GLYATL2: variants seen among roughly 807,000 people sequenced by gnomAD.
GLYATL2 encodes glycine N-acyltransferase-like protein 2.
A neutral mutation model predicts 21.4 loss-of-function variants in GLYATL2; 25 were observed. The ratio of observed to expected loss-of-function variants is 1.17; its 90% CI spans 0.85 to 1.63. The LOEUF is 1.63. Among genes scored for constraint, GLYATL2 ranks in the 40% most tolerant of loss-of-function variants. GLYATL2 has a pLI of 0.00. For synonymous variants in GLYATL2, 114 were observed against 118.2 expected, an observed-to-expected ratio of 0.96 and a Z score of 0.23; for missense variants, 361 against 343.3, an observed-to-expected ratio of 1.05 and a Z score of -0.41.
chr11:58,888,525 C>T (rs965182047), intron 1 of GLYATL2, among the ~76,000 whole-genome samples: 3 of 151,712 alleles, frequency 2.0e-5, no homozygotes, highest in African/African-American at 7.3e-5. Context: ...ACTTTTCTTC[C>T]TTATGGCTGG....
intron 1 of GLYATL2, among the ~76,000 whole-genome samples, chr11:58,842,476 CTGTGTG>C (rs34133004): frequency 0.12 from 16,202 of 134,700 alleles, 962 homozygotes; most frequent in South Asian, 0.16. Flanking sequence ...GAGTGAGACT[CTGTGTG>C]TGTGTGTGTG....
chr11:58,879,851 CTTGTT>C (rs1213811112), intron 1 of GLYATL2, among the ~76,000 whole-genome samples: 1 of 98,818 alleles, frequency 1.0e-5, no homozygotes, highest in Non-Finnish European at 1.9e-5. Context: ...TCTTTTTTTC[CTTGTT>C]TTTTTTTTTT....
chr11:58,837,162 A>G lies in GLYATL2; in HGVS notation c.329T>C (p.Leu110Ser). ...TGCAACCTTTCTTATTGCTTCATCC[A>G]AGCCCTCTTGGCAACCTGGAGAAAG... ...TLQIQGCQEGLDEAIRKVATS... is the reference protein window; with the variant it reads ...TLQIQGCQEGSDEAIRKVATS... Residue 110 changes from leucine to serine, a missense_variant, in exon 5 of 6, where the codon TTG becomes TCG. Leu to Ser is a moderately radical substitution (Grantham distance 145). Coordinates refer to ENST00000287275, the MANE Select transcript of GLYATL2 (RefSeq NM_145016.4). 6.2e-7 allele frequency: 1 copy of G among 1,613,814 alleles called. No homozygotes were observed. The highest frequency in any genetic ancestry group is 8.5e-7 in the Non-Finnish European group (1 of 1,179,864).
intron 1 of GLYATL2, among the ~76,000 whole-genome samples, chr11:58,873,974 G>A (rs1043579094): frequency 6.6e-6 from 1 of 152,158 alleles, no homozygotes; most frequent in African/African-American, 2.4e-5. Flanking sequence ...GGGTGTTATT[G>A]GTCTATTGAG....
intron 1 of GLYATL2, among the ~76,000 whole-genome samples, chr11:58,855,287 A>T (rs903174426): frequency 3.9e-5 from 6 of 152,182 alleles, no homozygotes; most frequent in Admixed American, 3.9e-4. Flanking sequence ...TGCAGAATGG[A>T]TGTATGTTAG....
intron 3 of GLYATL2, among the ~76,000 whole-genome samples, 163 bp from the exon 4 acceptor site, chr11:58,837,560 A>C (rs1405190433): frequency 2.0e-5 from 3 of 152,214 alleles, no homozygotes; most frequent in Admixed American, 1.3e-4. Context: ...CTCACTCTTG[A>C]TACACTGAAG....
At chr11:58,886,294 C>A (rs940478368) in intron 1 of GLYATL2, among the ~76,000 whole-genome samples, 9 of 152,158 alleles carry the variant, frequency 5.9e-5, no homozygotes, top group Non-Finnish European at 1.0e-4. Flanking sequence ...TATATGGAAG[C>A]ACGTCTTTTG....
chr11:58,848,777 T>C (rs1329182418), upstream of GLYATL2, among the ~76,000 whole-genome samples: 5 of 151,618 alleles, frequency 3.3e-5, no homozygotes, highest in African/African-American at 9.7e-5. Context: ...GGAGATGGGG[T>C]AGAAAGTTTA....
intron 1 of GLYATL2, among the ~76,000 whole-genome samples, chr11:58,855,775 G>A (rs555943217): frequency 2.1e-4 from 32 of 152,178 alleles, no homozygotes; most frequent in Non-Finnish European, 4.1e-4. Context: ...AGATCTTCTG[G>A]ATAATCTTTT....
chr11:58,838,123 C>G, intron 3 of GLYATL2, 138 bp downstream of exon 3: 1 of 588,588 alleles, frequency 1.7e-6, no homozygotes, highest in South Asian at 2.1e-5. Context: ...CCCTGTCTCC[C>G]AAACAGCCCT....
chr11:58,904,851 A>G (rs1854822808), upstream of GLYATL2, among the ~76,000 whole-genome samples: 1 of 152,250 alleles, frequency 6.6e-6, no homozygotes. Flanking sequence ...TCTATGAGTT[A>G]CAAAATAATT....
chr11:58,897,789 ATTACAG>A (rs1372069218), intron 1 of GLYATL2, among the ~76,000 whole-genome samples: 3 of 152,240 alleles, frequency 2.0e-5, no homozygotes, highest in African/African-American at 7.2e-5. Flanking sequence ...CACTCTTCTT[ATTACAG>A]TTACAAACAC....
At chr11:58,889,232 C>A (rs988194940) in intron 1 of GLYATL2, among the ~76,000 whole-genome samples, 6 of 151,888 alleles carry the variant, frequency 4.0e-5, no homozygotes, top group Non-Finnish European at 8.8e-5. Flanking sequence ...AAATATGTCA[C>A]ACTGTTCTTT....
chr11:58,858,519 T>C (rs1189890310), intron 1 of GLYATL2, among the ~76,000 whole-genome samples: 1 of 152,138 alleles, frequency 6.6e-6, no homozygotes, highest in Non-Finnish European at 1.5e-5. Flanking sequence ...CACTTGTCTC[T>C]GGGCAATGTG....
At chr11:58,862,551 A>T (rs541472645) in intron 1 of GLYATL2, among the ~76,000 whole-genome samples, 2 of 152,054 alleles carry the variant, frequency 1.3e-5, no homozygotes, top group East Asian at 1.9e-4. Context: ...TCTGTCTTTG[A>T]GCTCATTGAT....
intron 1 of GLYATL2, among the ~76,000 whole-genome samples, chr11:58,842,110 G>A (rs1853563728): frequency 6.6e-6 from 1 of 152,154 alleles, no homozygotes; most frequent in East Asian, 1.9e-4. Context: ...ACATAGAAAG[G>A]TGACAGAAAT....
chr11:58,839,176 T>C (rs1853498248), intron 2 of GLYATL2, among the ~76,000 whole-genome samples: 1 of 152,070 alleles, frequency 6.6e-6, no homozygotes, highest in Non-Finnish European at 1.5e-5. Flanking sequence ...CTCTGCAAAT[T>C]TGCTATGGCA....
upstream of GLYATL2, among the ~76,000 whole-genome samples, chr11:58,849,200 T>G (rs1853695538): frequency 1.3e-5 from 2 of 152,026 alleles, no homozygotes; most frequent in Admixed American, 1.3e-4. Flanking sequence ...AACAGAACAT[T>G]GAGAAAGAAA....
At chr11:58,878,230 A>C (rs773463272) in intron 1 of GLYATL2, 6 of 309,432 alleles carry the variant, frequency 1.9e-5, no homozygotes, top group African/African-American at 2.2e-5. Flanking sequence ...CTTTAAATTT[A>C]ATTCAGCTGA....
Sources: gnomAD v4.1 joint callset for allele counts (sites outside exome capture counted in the v4.1 genomes callset) on GRCh38, gnomAD v4.1.1 for gene constraint, MANE v1.5 for transcripts, NCBI Gene and HGNC (gene_info 2026-07-23, HGNC 2026-07-21) for gene names.